NOP9: variants seen among roughly 807,000 people sequenced by gnomAD.
NOP9 encodes nucleolar protein 9.
In NOP9, 50 loss-of-function variants were observed where a neutral mutation model predicts 63.0. That is an observed-to-expected ratio of 0.79 (90% CI 0.63 to 1.00). NOP9 has a LOEUF of 1.00. NOP9 is among the 50% of genes least tolerant of loss of function. The probability of loss-of-function intolerance (pLI) is 0.00; values close to 1 mark genes in which losing one functional copy is unlikely to be tolerated. For missense variants in NOP9, 758 were observed against 803.0 expected, an observed-to-expected ratio of 0.94 and a Z score of 0.68; for synonymous variants, 343 against 332.8, an observed-to-expected ratio of 1.03 and a Z score of -0.33.
chr14:24,304,859 G>A, intron 9 of NOP9, 79 bp from the exon 10 acceptor site: 1 of 1,441,812 alleles, frequency 6.9e-7, no homozygotes, highest in South Asian at 1.5e-5. Flanking sequence ...AGGGTCTGGG[G>A]GAAATGGAGG....
chr14:24,299,865 CTT>C lies in NOP9; in HGVS notation c.-88_-87del. 1.4e-6 allele frequency: 2 copies of C among 1,449,654 alleles called. No individual in the cohort carries two copies. Among genetic ancestry groups the C allele is most frequent in the Non-Finnish European group, 1.8e-6 (2 of 1,100,008 alleles). The allele number at this position is 1,449,654 out of a possible 1,614,324, so 89.8% of individuals were successfully genotyped here. A position where few individuals can be genotyped will look rare whatever the true frequency, so the allele number is the denominator to read the frequency against. On this transcript the variant is annotated 5_prime_UTR_variant, in exon 1 of 10. Transcript: ENST00000267425. ...TCAGGAGCGCGCCCGCGTTTCTAAA[CTT>C]TGTCTGGATAAGGCGCACGCTTGGC...
Position 24,300,115 on chromosome 14 carries a change from A to G in NOP9, c.161A>G (p.His54Arg), listed in dbSNP as rs953993650. The change falls in exon 1 of 10, where the codon CAC becomes CGC. Residue 54 changes from histidine (H) to arginine (R), a missense_variant. Coordinates refer to ENST00000267425, the MANE Select transcript of NOP9 (RefSeq NM_174913.3). ...DGRSEPAPDS[H>R]PHLSPEALGY... ...CGCTCGGAGCCGGCTCCAGATTCGC[A>G]CCCGCACCTGAGCCCGGAAGCTCTG... 3.1e-6 allele frequency: 5 copies of G among 1,613,468 alleles called. No homozygotes were observed. The highest frequency in any genetic ancestry group is 4.2e-6 in the Non-Finnish European group (5 of 1,179,836).
the NOP9 span, among the ~76,000 whole-genome samples, chr14:24,287,775 T>C: frequency 6.6e-6 from 1 of 152,242 alleles, no homozygotes; most frequent in African/African-American, 2.4e-5. Flanking sequence ...CCAGGCATGC[T>C]GCTTCTTTCC....
upstream of NOP9, chr14:24,296,405 T>A: frequency 9.0e-7 from 1 of 1,106,040 alleles, no homozygotes; most frequent in Non-Finnish European, 1.4e-6. Context: ...AAGAAAGAGA[T>A]GGGGGAGGCC....
chr14:24,298,914 C>T (rs115389572), upstream of NOP9: 64 of 1,572,394 alleles, frequency 4.1e-5, no homozygotes, highest in African/African-American at 7.9e-4. Flanking sequence ...GAAGGGCTCT[C>T]TCGGGTGGTT....
At position 24,306,641 on chromosome 14, in the gene NOP9, G is replaced by T; in HGVS notation, c.*1546G>T. On this transcript the variant is annotated 3_prime_UTR_variant, in exon 10 of 10. Transcript: ENST00000267425. ...GGTCGATGTCCCACTTTGACTTTCC[G>T]GCACTTTGATACCTCCTAAAGGTTG... 7.8e-7 allele frequency: 1 copy of T among 1,284,288 alleles called. No individual in the cohort carries two copies. Among genetic ancestry groups the T allele is most frequent in the Non-Finnish European group, 1.1e-6 (1 of 910,010 alleles). 79.6% of individuals were successfully genotyped at this position (1,284,288 alleles called of 1,614,324 possible).
the NOP9 span, chr14:24,292,486 A>G: frequency 6.8e-7 from 1 of 1,477,396 alleles, no homozygotes; most frequent in African/African-American, 1.4e-5. Context: ...TGCCTACTCT[A>G]GCCAACCAAG....
chr14:24,278,243 TTCAAATGACTA>T, the NOP9 span, among the ~76,000 whole-genome samples: 1 of 152,160 alleles, frequency 6.6e-6, no homozygotes, highest in Non-Finnish European at 1.5e-5. Context: ...AAACCAGGTT[TTCAAATGACTA>T]TCTTAGTGCT....
At chr14:24,276,844 C>G in the NOP9 span, among the ~76,000 whole-genome samples, 1 of 152,222 alleles carries the variant, frequency 6.6e-6, no homozygotes, top group Admixed American at 6.5e-5. Flanking sequence ...ATGTATTATA[C>G]TGAAAGTGCA....
At chr14:24,301,791 C>T in intron 3 of NOP9, 69 bp downstream of exon 3, 1 of 1,547,822 alleles carries the variant, frequency 6.5e-7, no homozygotes, top group Non-Finnish European at 8.9e-7. Context: ...CCAAGCAAGG[C>T]CCTTACCTCA....
chr14:24,300,936 T>A, intron 2 of NOP9, 79 bp downstream of exon 2: 3 of 1,164,392 alleles, frequency 2.6e-6, no homozygotes, highest in Admixed American at 2.3e-5. Context: ...AACAGAAGAG[T>A]AAGTCTTCAT....
Position 24,304,122 on chromosome 14 carries a change from A to G in NOP9, c.1492A>G (p.Thr498Ala). The G allele has an allele frequency of 6.2e-7, 1 of 1,614,056 alleles. No individual in the cohort carries two copies. The highest frequency in any genetic ancestry group is 1.1e-5 in the South Asian group (1 of 91,068). The change falls in exon 8 of 10, where the codon ACT (threonine) becomes GCT (alanine). Residue 498 changes from threonine (T) to alanine (A), a missense_variant. Thr to Ala is a moderately conservative substitution (Grantham distance 58, BLOSUM62 0). Transcript: ENST00000267425. ...GCTCCAGCATCTGCTGCACTTCTCC[A>G]CTCCTGGTCTTGTACTTCGAAGTCT... ...LLLQHLLHFSTPGLVLRSLGA... is the reference protein window; with the variant it reads ...LLLQHLLHFSAPGLVLRSLGA...
chr14:24,306,339 A>T lies in NOP9; in HGVS notation c.*1244A>T. The stretch of plus-strand genomic sequence containing the variant: ...GAAGCCCGGGAAAGCTCTAAAGGAC[A>T]GGCATTGGAAGCAGCCCCAGTATAG... On this transcript the variant is annotated 3_prime_UTR_variant, in exon 10 of 10. Transcript: ENST00000267425. 1 of 1,613,542 alleles carries T rather than the reference A, an allele frequency of 6.2e-7. No homozygotes were observed. Among genetic ancestry groups the T allele is most frequent in the Non-Finnish European group, 8.5e-7 (1 of 1,179,496 alleles).
the NOP9 span, among the ~76,000 whole-genome samples, chr14:24,287,642 C>T: frequency 1.2e-4 from 18 of 152,208 alleles, no homozygotes; most frequent in Non-Finnish European, 2.5e-4. Flanking sequence ...AAACTTCTAG[C>T]TGTTCTGCTA....
the NOP9 span, chr14:24,290,732 C>T: frequency 7.9e-7 from 1 of 1,260,408 alleles, no homozygotes. Flanking sequence ...CACGGACACA[C>T]AGCAGAGGGC....
At position 24,306,397 on chromosome 14, in the gene NOP9, C is replaced by G. The variant is rs773821735; in HGVS notation, c.*1302C>G. The stretch of plus-strand genomic sequence containing the variant: ...ACCCTTGTAGGGCTCCAGCTCTGAC[C>G]AGACTGCAACACCATCAGGCACGTG... On this transcript the variant is annotated 3_prime_UTR_variant, in exon 10 of 10. Coordinates refer to ENST00000267425, the MANE Select transcript of NOP9 (RefSeq NM_174913.3). 6.2e-7 allele frequency: 1 copy of G among 1,614,222 alleles called. No homozygotes were observed. The highest frequency in any genetic ancestry group is 1.7e-5 in the Admixed American group (1 of 60,030).
rs2041353418 is a variant in NOP9, at chr14:24,300,575, C to T, written c.415C>T (p.His139Tyr). 3 of 1,614,200 alleles carry T rather than the reference C, an allele frequency of 1.9e-6. No homozygotes were observed. The highest frequency in any genetic ancestry group is 1.7e-6 in the Non-Finnish European group (2 of 1,180,042). Reference sequence around the variant, plus strand: ...CTCTAACTTGCGCACTGTGGCCTGTCACCGATGCGGGGTCCATGTATTACA... The same window carrying T: ...CTCTAACTTGCGCACTGTGGCCTGTTACCGATGCGGGGTCCATGTATTACA... ...LRSNLRTVAC[H>Y]RCGVHVLQSA... The change falls in exon 2 of 10, where the codon CAC (histidine) becomes TAC (tyrosine). Residue 139 changes from histidine to tyrosine, a missense_variant. Physicochemically the swap from His to Tyr is moderately conservative, Grantham distance 83. Transcript: ENST00000267425.
In NOP9 at chr14:24,307,318, T is replaced by G; in HGVS notation, c.*2223T>G. ...CCATCATCACAAGTTGCCACTGTTG[T>G]GGAGCCCCTTGGCTACCCCTGCTAT... is the stretch of plus-strand genomic sequence containing the variant. On this transcript the variant is annotated 3_prime_UTR_variant, in exon 10 of 10. Transcript: ENST00000267425. 1 of 1,565,324 alleles carries G rather than the reference T, an allele frequency of 6.4e-7. No homozygotes were observed. Among genetic ancestry groups the G allele is most frequent in the Non-Finnish European group, 8.7e-7 (1 of 1,151,820 alleles).
At chr14:24,292,429 C>T in the NOP9 span, 2 of 1,548,084 alleles carry the variant, frequency 1.3e-6, no homozygotes, top group East Asian at 4.6e-5. Context: ...CCACCCTGTC[C>T]TTCCCAGGAG....
Sources: allele counts gnomAD v4.1 joint callset (sites outside exome capture counted in the v4.1 genomes callset), GRCh38; gene constraint gnomAD v4.1.1; transcripts MANE v1.5; gene names NCBI Gene and HGNC (gene_info 2026-07-23, HGNC 2026-07-21).